Variants in ANKS1B observed in about 807,000 individuals in gnomAD.
ANKS1B encodes the protein ankyrin repeat and sterile alpha motif domain containing 1B.
Under a neutral mutation model 148.3 loss-of-function variants are expected in ANKS1B, and 36 were observed. The observed-to-expected ratio is 0.24, with a 90% CI of 0.19 to 0.32. ANKS1B has a LOEUF of 0.32. Ranked by LOEUF, ANKS1B falls within the 10% of genes least tolerant of loss-of-function variation. The pLI, the probability that ANKS1B is intolerant of heterozygous loss-of-function variation, is 1.00. For missense variants in ANKS1B, 1,157 were observed against 1,542.6 expected (o/e 0.75, Z 4.19); for synonymous variants, 542 against 560.8 (o/e 0.97, Z 0.47).
At chr12:99,337,567 G>A (rs201961836) in intron 12 of ANKS1B, among the ~76,000 whole-genome samples, 7 of 152,182 alleles carry the variant, frequency 4.6e-5, no homozygotes, top group Middle Eastern at 3.4e-3. Context: ...ATACCCATCC[G>A]TGTCCAGGAA....
At chr12:99,618,029 C>T (rs1260110298) in intron 9 of ANKS1B, among the ~76,000 whole-genome samples, 1 of 152,128 alleles carries the variant, frequency 6.6e-6, no homozygotes, top group Non-Finnish European at 1.5e-5. Flanking sequence ...ACCTCTTTGA[C>T]CTCAATCCCT....
intron 17 of ANKS1B, among the ~76,000 whole-genome samples, chr12:98,880,456 A>C (rs2099704158): frequency 6.6e-6 from 1 of 152,236 alleles, no homozygotes; most frequent in African/African-American, 2.4e-5. Context: ...GCATAAGTAT[A>C]CCCAGCTTTA....
At chr12:99,191,009 A>C (rs796585406) in intron 14 of ANKS1B, among the ~76,000 whole-genome samples, 9 of 151,654 alleles carry the variant, frequency 5.9e-5, no homozygotes, top group Admixed American at 5.9e-4. Context: ...AAAAAAAAAA[A>C]CAAATAATCT....
intron 14 of ANKS1B, among the ~76,000 whole-genome samples, chr12:99,235,968 C>T (rs1277421106): frequency 6.6e-6 from 1 of 152,142 alleles, no homozygotes; most frequent in Non-Finnish European, 1.5e-5. Flanking sequence ...TCCAACTTTC[C>T]TGGTCTTAAG....
chr12:98,920,944 T>G (rs1215459065), intron 17 of ANKS1B, among the ~76,000 whole-genome samples: 1 of 152,240 alleles, frequency 6.6e-6, no homozygotes, highest in Non-Finnish European at 1.5e-5. Context: ...GAAAGCAAGT[T>G]AATACAAATT....
At chr12:99,154,978 G>A (rs1463942605) in intron 14 of ANKS1B, 3 of 1,535,382 alleles carry the variant, frequency 2.0e-6, no homozygotes, top group Non-Finnish European at 2.6e-6. Flanking sequence ...ACCCATCCAA[G>A]CGTCAATCTT....
chr12:99,244,366 T>C lies in ANKS1B; in HGVS notation c.2395A>G (p.Lys799Glu), dbSNP rs754215967. 3.1e-6 allele frequency: 5 copies of C among 1,608,088 alleles called. No homozygotes were observed. The South Asian group carries it at 3.3e-5, about 11-fold the overall frequency. Residue 799 changes from lysine to glutamate, a missense_variant, in exon 14 of 27, where the codon AAA becomes GAA. Lys to Glu is a moderately conservative substitution (Grantham distance 56). Around this residue, in one of 6 missense-constraint regions of ANKS1B, gnomAD observed 661 missense variants for 642.1 expected, o/e 1.03. Coordinates refer to ENST00000683438, the MANE Select transcript of ANKS1B (RefSeq NM_001352186.2). Reference protein sequence around the residue: ...SIDVGINNELKEMNGETTRPR... With the variant: ...SIDVGINNELEEMNGETTRPR... ...CTTGTGGTCTCACCATTCATCTCTT[T>C]AAGTTCGTTGTTGATTCCAACATCT...
intron 16 of ANKS1B, among the ~76,000 whole-genome samples, chr12:99,055,723 G>GT (rs201856449): frequency 0.63 from 94,913 of 149,518 alleles, 30,436 homozygotes; most frequent in East Asian, 0.81. Flanking sequence ...TCTAAACTTG[G>GT]GGGGGGGGGA....
intron 10 of ANKS1B, among the ~76,000 whole-genome samples, chr12:99,467,632 T>C (rs1262824744): frequency 6.6e-6 from 1 of 152,116 alleles, no homozygotes; most frequent in Admixed American, 6.6e-5. Context: ...ACAAGCATTC[T>C]TATACACCAA....
intron 12 of ANKS1B, among the ~76,000 whole-genome samples, chr12:99,318,605 T>C (rs2084621908): frequency 6.6e-6 from 1 of 152,182 alleles, no homozygotes; most frequent in Non-Finnish European, 1.5e-5. Flanking sequence ...ATTTTGTTGA[T>C]CTTTTCAAAA....
chr12:99,844,009 G>T (rs2086202485), intron 1 of ANKS1B, among the ~76,000 whole-genome samples: 1 of 151,998 alleles, frequency 6.6e-6, no homozygotes, highest in South Asian at 2.1e-4. Flanking sequence ...AGGTGATGTT[G>T]AGCTTTTTAA....
intron 11 of ANKS1B, among the ~76,000 whole-genome samples, chr12:99,423,834 T>C (rs911990305): frequency 3.3e-5 from 5 of 151,944 alleles, no homozygotes; most frequent in Non-Finnish European, 5.9e-5. Flanking sequence ...CTGGGACCTA[T>C]TGGAGGGTGG....
intron 16 of ANKS1B, among the ~76,000 whole-genome samples, chr12:99,067,294 T>C (rs747790965): frequency 1.3e-4 from 20 of 152,182 alleles, no homozygotes; most frequent in Non-Finnish European, 2.4e-4. Flanking sequence ...TTCAGTGGCA[T>C]TGGCAGAACA....
At chr12:99,724,952 A>T (rs2058471747) in intron 8 of ANKS1B, among the ~76,000 whole-genome samples, 1 of 152,208 alleles carries the variant, frequency 6.6e-6, no homozygotes, top group Non-Finnish European at 1.5e-5. Flanking sequence ...AGACAAGCAA[A>T]TACTGAGGGA....
chr12:99,521,856 C>T (rs2096878584), intron 9 of ANKS1B, among the ~76,000 whole-genome samples: 2 of 152,104 alleles, frequency 1.3e-5, no homozygotes, highest in South Asian at 2.1e-4. Context: ...CTGGGTCTTG[C>T]CCCACACACA....
chr12:99,174,961 T>G (rs1428113808), intron 14 of ANKS1B, among the ~76,000 whole-genome samples: 1 of 152,218 alleles, frequency 6.6e-6, no homozygotes, highest in Non-Finnish European at 1.5e-5. Context: ...AGAAAACTGA[T>G]GCTCAATGAA....
At chr12:99,781,822 G>A (rs1455790630) in intron 5 of ANKS1B, among the ~76,000 whole-genome samples, 200 bp downstream of exon 5, 1 of 152,116 alleles carries the variant, frequency 6.6e-6, no homozygotes, top group East Asian at 1.9e-4. Context: ...AACATCTATT[G>A]CATAAAAGAA....
intron 17 of ANKS1B, among the ~76,000 whole-genome samples, chr12:98,935,657 G>A (rs908458235): frequency 1.3e-5 from 2 of 152,150 alleles, no homozygotes; most frequent in Admixed American, 1.3e-4. Flanking sequence ...CCTCTTGAAT[G>A]AATATTTATA....
intron 17 of ANKS1B, among the ~76,000 whole-genome samples, chr12:98,984,646 C>G (rs1249967127): frequency 1.3e-5 from 2 of 152,204 alleles, no homozygotes; most frequent in African/African-American, 2.4e-5. Context: ...ATATGTTTCT[C>G]ACTTCTTTCT....
Sources: gnomAD v4.1 joint callset for allele counts (sites outside exome capture counted in the v4.1 genomes callset) on GRCh38, gnomAD v4.1.1 for gene constraint, gnomAD v4.1.1 regional missense constraint, MANE v1.5 for transcripts, NCBI Gene and HGNC (gene_info 2026-07-23, HGNC 2026-07-21) for gene names.